PGM1: variants seen among roughly 807,000 people sequenced by gnomAD.
PGM1 encodes the protein phosphoglucomutase-1.
PGM1 carries 52 observed loss-of-function variants against 55.6 expected under a neutral mutation model. The observed-to-expected ratio is 0.94, with a 90% CI of 0.75 to 1.18. The LOEUF is 1.18. Among genes scored for constraint, PGM1 ranks in the 50% most tolerant of loss-of-function variants. The pLI is 0.00. For missense variants in PGM1, 724 were observed against 729.3 expected (o/e 0.99, Z 0.08); for synonymous variants, 287 against 271.7 (o/e 1.06, Z -0.55).
chr1:63,640,538 A>G (rs1203432561), intron 7 of PGM1, among the ~76,000 whole-genome samples: 2 of 152,176 alleles, frequency 1.3e-5, no homozygotes, highest in African/African-American at 4.8e-5. Context: ...CATCACCACA[A>G]TAATGATTAT....
chr1:63,610,305 A>G (rs1392457323), intron 1 of PGM1, among the ~76,000 whole-genome samples: 1 of 152,188 alleles, frequency 6.6e-6, no homozygotes, highest in Non-Finnish European at 1.5e-5. Flanking sequence ...CCTCTTGCCA[A>G]AAACAAATCT....
intron 1 of PGM1, among the ~76,000 whole-genome samples, chr1:63,627,082 T>G (rs952248271): frequency 2.3e-5 from 3 of 131,016 alleles, no homozygotes; most frequent in Admixed American, 1.6e-4. Flanking sequence ...CACACACACT[T>G]TTAAGGCTGA....
intron 1 of PGM1, among the ~76,000 whole-genome samples, chr1:63,606,575 T>C (rs1420027137): frequency 6.6e-6 from 1 of 152,158 alleles, no homozygotes; most frequent in South Asian, 2.1e-4. Flanking sequence ...GGCACACCTT[T>C]CTCAGAGATT....
intron 1 of PGM1, among the ~76,000 whole-genome samples, chr1:63,612,384 C>CGTA (rs1459511829): frequency 1.3e-5 from 2 of 152,176 alleles, no homozygotes; most frequent in African/African-American, 4.8e-5. Flanking sequence ...CTTGGGTCAA[C>CGTA]TGGCCTGAAC....
At chr1:63,595,496 G>A (rs1387920501) in intron 1 of PGM1, among the ~76,000 whole-genome samples, 3 of 152,208 alleles carry the variant, frequency 2.0e-5, no homozygotes, top group African/African-American at 7.2e-5. Flanking sequence ...ACATTTATAA[G>A]CATCAGTGAG....
At chr1:63,629,685 T>G in intron 2 of PGM1, 98 bp downstream of exon 2, 1 of 1,233,996 alleles carries the variant, frequency 8.1e-7, no homozygotes, top group Non-Finnish European at 1.2e-6. Flanking sequence ...TTCTGATCCT[T>G]TGCAGGGGGT....
At chr1:63,644,122 A>G (rs1363480145) in intron 7 of PGM1, among the ~76,000 whole-genome samples, 1 of 152,218 alleles carries the variant, frequency 6.6e-6, no homozygotes. Context: ...TGGCTCCCTC[A>G]GGAATGGTTG....
At position 63,595,605 on chromosome 1, in the gene PGM1, T is replaced by G. The variant is rs564098019; in HGVS notation, c.246+1871T>G. Reference sequence around the variant, plus strand: ...CAGACAATAGCTGTATCCCAGTAGATCATTTCCCTGTTACCACCTGTGCTG... The same window carrying G: ...CAGACAATAGCTGTATCCCAGTAGAGCATTTCCCTGTTACCACCTGTGCTG... On this transcript the variant is annotated intron_variant, in intron 1 of 10. Coordinates refer to ENST00000371084, the MANE Select transcript of PGM1 (RefSeq NM_002633.3). Among the ~76,000 whole-genome samples, 4 of 87,942 alleles carry G rather than the reference T, an allele frequency of 4.5e-5. No individual in the cohort carries two copies. The East Asian group carries it at 1.2e-3, about 26-fold the overall frequency. The allele number at this position is 87,942 out of a possible 152,430, so 57.7% of individuals were successfully genotyped here.
At chr1:63,649,669 AT>A (rs1300995000) in intron 8 of PGM1, among the ~76,000 whole-genome samples, 5 of 152,228 alleles carry the variant, frequency 3.3e-5, no homozygotes, top group Non-Finnish European at 7.3e-5. Context: ...AAGCTCCTTA[AT>A]CAGAATTATT....
At chr1:63,655,821 C>T (rs1336374660) in intron 10 of PGM1, 2 of 152,442 alleles carry the variant, frequency 1.3e-5, no homozygotes, top group African/African-American at 2.4e-5. Context: ...ATCACTTGAG[C>T]GTAGGAGTTC....
At chr1:63,610,636 C>T (rs879249180) in intron 1 of PGM1, among the ~76,000 whole-genome samples, 5 of 152,042 alleles carry the variant, frequency 3.3e-5, no homozygotes, top group South Asian at 2.1e-4. Context: ...AAAGGTTTCC[C>T]GGCCATTACC....
At position 63,659,631 on chromosome 1, in the gene PGM1, C is replaced by T. The variant is rs767214238; in HGVS notation, c.1645C>T (p.Leu549=). Residue 549 remains leucine, a synonymous_variant, in exon 11 of 11, where the codon CTG becomes TTG. Transcript: ENST00000371084. ...TTCCATTGCTCTGAAAGTGTCCCAG[C>T]TGCAGGAGAGGACGGGACGCACTGC... is the stretch of plus-strand genomic sequence containing the variant. ...LISIALKVSQ[L]QERTGRTAPT... is the part of the protein sequence containing the mutation. 4 of 1,614,096 alleles carry T rather than the reference C, an allele frequency of 2.5e-6. No individual in the cohort carries two copies. In the South Asian group the frequency reaches 4.4e-5, roughly 18 times the overall value.
At chr1:63,636,511 C>T in intron 6 of PGM1, 123 bp downstream of exon 6, 3 of 1,027,590 alleles carry the variant, frequency 2.9e-6, no homozygotes, top group Non-Finnish European at 4.6e-6. Context: ...ATAGAGTGTG[C>T]TGAGCGATTC....
chr1:63,644,076 T>C (rs1315089593), intron 7 of PGM1, among the ~76,000 whole-genome samples: 1 of 152,234 alleles, frequency 6.6e-6, no homozygotes, highest in East Asian at 1.9e-4. Flanking sequence ...ATGCCCATAC[T>C]GGTAAATGTA....
chr1:63,596,972 T>G (rs1002116481), intron 1 of PGM1, among the ~76,000 whole-genome samples: 10 of 152,222 alleles, frequency 6.6e-5, no homozygotes, highest in African/African-American at 2.2e-4. Flanking sequence ...ACCAATAAAT[T>G]TATTCACATC....
intron 1 of PGM1, among the ~76,000 whole-genome samples, chr1:63,597,366 A>C (rs1170550227): frequency 6.6e-6 from 1 of 152,224 alleles, no homozygotes; most frequent in Non-Finnish European, 1.5e-5. Flanking sequence ...GGAATAATAC[A>C]TACCTGAAGA....
intron 1 of PGM1, among the ~76,000 whole-genome samples, chr1:63,626,201 A>G (rs1235792484): frequency 6.6e-6 from 1 of 152,158 alleles, no homozygotes; most frequent in Non-Finnish European, 1.5e-5. Flanking sequence ...GGAGCCAGGA[A>G]AGGTAAAATG....
chr1:63,651,592 T>A, intron 8 of PGM1, 77 bp from the exon 9 acceptor site: 1 of 1,379,388 alleles, frequency 7.2e-7, no homozygotes, highest in Non-Finnish European at 1.0e-6. Context: ...AAACAAATGA[T>A]GAAGAAAGTG....
chr1:63,615,470 C>G (rs1189054360), intron 1 of PGM1, among the ~76,000 whole-genome samples: 2 of 151,004 alleles, frequency 1.3e-5, no homozygotes, highest in Non-Finnish European at 2.9e-5. Context: ...CTATTTTGGC[C>G]AGACCATATA....
Sources: allele counts gnomAD v4.1 joint callset (sites outside exome capture counted in the v4.1 genomes callset), GRCh38; gene constraint gnomAD v4.1.1; transcripts MANE v1.5; gene names NCBI Gene and HGNC (gene_info 2026-07-23, HGNC 2026-07-21).